The following CSMD1 variants were observed in gnomAD, a reference collection of about 807,000 sequenced individuals.
CSMD1 encodes the protein CUB and Sushi multiple domains 1.
In CSMD1, 213 loss-of-function variants were observed where a neutral mutation model predicts 417.5. The observed-to-expected ratio is 0.51, with a 90% CI of 0.46 to 0.57. The LOEUF is 0.57. CSMD1 is among the 20% of genes least tolerant of loss of function. CSMD1 has a pLI of 0.00. For synonymous variants in CSMD1, 2,862 were observed against 1,736.8 expected (o/e 1.65, Z -16.11); for missense variants, 6,923 against 4,529.7 (o/e 1.53, Z -15.17).
chr8:4,024,215 C>A (rs1430820247), intron 4 of CSMD1, among the ~76,000 whole-genome samples: 5 of 152,108 alleles, frequency 3.3e-5, no homozygotes, highest in Admixed American at 2.0e-4. Flanking sequence ...ACATGGGAAA[C>A]AGAAGTGATG....
chr8:4,928,434 C>A (rs897029118), intron 1 of CSMD1, among the ~76,000 whole-genome samples: 2 of 152,310 alleles, frequency 1.3e-5, no homozygotes, highest in East Asian at 3.9e-4. Context: ...TCGATAACTA[C>A]TAACATTGTT....
chr8:4,454,878 G>A (rs1051905679), intron 2 of CSMD1, among the ~76,000 whole-genome samples: 1 of 152,004 alleles, frequency 6.6e-6, no homozygotes, highest in African/African-American at 2.4e-5. Flanking sequence ...AATCTAAATG[G>A]CGTCCTGTGA....
At chr8:4,712,364 A>C (rs1000251234) in intron 1 of CSMD1, among the ~76,000 whole-genome samples, 3 of 152,192 alleles carry the variant, frequency 2.0e-5, no homozygotes, top group African/African-American at 7.2e-5. Context: ...TGATTTGTAC[A>C]TGGCACACAC....
At chr8:3,418,480 C>G (rs913735726) in intron 12 of CSMD1, among the ~76,000 whole-genome samples, 1 of 152,052 alleles carries the variant, frequency 6.6e-6, no homozygotes, top group Admixed American at 6.6e-5. Flanking sequence ...AGATATTGGT[C>G]AGCTATAATC....
intron 7 of CSMD1, among the ~76,000 whole-genome samples, chr8:3,688,074 A>T (rs1800039566): frequency 6.6e-6 from 1 of 152,230 alleles, no homozygotes; most frequent in Non-Finnish European, 1.5e-5. Context: ...GTTCCTCAGG[A>T]AGTTCAGCAG....
At chr8:4,475,796 A>G (rs1800771060) in intron 2 of CSMD1, among the ~76,000 whole-genome samples, 1 of 151,970 alleles carries the variant, frequency 6.6e-6, no homozygotes, top group Non-Finnish European at 1.5e-5. Flanking sequence ...TATTTTTAGT[A>G]CAGATGGGAT....
At position 3,221,000 on chromosome 8, in the gene CSMD1, G is replaced by A. The variant is rs545109770; in HGVS notation, c.4485-1558C>T. 2.0e-5 allele frequency among the ~76,000 whole-genome samples: 3 copies of A among 151,780 alleles called. No homozygotes were observed. In the East Asian group the frequency reaches 5.8e-4, roughly 30 times the overall value. Reference sequence around the variant, plus strand: ...CCAACTGCAGAAATTTGGGACAACTGAGACAGAGAAGGTCAGGGTTTTTGC... The same window carrying A: ...CCAACTGCAGAAATTTGGGACAACTAAGACAGAGAAGGTCAGGGTTTTTGC... On this transcript the variant is annotated intron_variant, in intron 28 of 69. Transcript: ENST00000635120.
chr8:4,963,556 T>C (rs772824333), intron 1 of CSMD1, among the ~76,000 whole-genome samples: 1 of 152,230 alleles, frequency 6.6e-6, no homozygotes. Flanking sequence ...TGCTTTTGTG[T>C]CTTTCCTATT....
intron 15 of CSMD1, 83 bp from the exon 16 acceptor site, chr8:3,399,612 T>G: frequency 9.5e-7 from 1 of 1,047,242 alleles, no homozygotes; most frequent in Non-Finnish European, 1.3e-6. Context: ...AGCCAGAATC[T>G]GCTTCTGTGT....
intron 1 of CSMD1, among the ~76,000 whole-genome samples, chr8:4,758,991 T>C (rs535300134): frequency 6.9e-6 from 1 of 144,356 alleles, no homozygotes; most frequent in East Asian, 1.9e-4. Context: ...TGCATGACTT[T>C]GTAAGAATGT....
At chr8:3,368,400 A>T (rs532077005) in intron 19 of CSMD1, among the ~76,000 whole-genome samples, 1 of 152,140 alleles carries the variant, frequency 6.6e-6, no homozygotes, top group Non-Finnish European at 1.5e-5. Flanking sequence ...ACAGTGGCGC[A>T]ATCTCAGCTC....
At chr8:3,789,817 G>T (rs950115188) in intron 5 of CSMD1, among the ~76,000 whole-genome samples, 1 of 143,634 alleles carries the variant, frequency 7.0e-6, no homozygotes, top group African/African-American at 2.6e-5. Flanking sequence ...TGCAAGCTCC[G>T]CCTCCCGGGG....
chr8:3,840,961 C>A (rs1326958195), intron 5 of CSMD1, among the ~76,000 whole-genome samples: 1 of 152,058 alleles, frequency 6.6e-6, no homozygotes, highest in Non-Finnish European at 1.5e-5. Flanking sequence ...CCTGCCTCGG[C>A]CTCCCAAAGT....
intron 6 of CSMD1, among the ~76,000 whole-genome samples, chr8:3,719,955 T>A (rs989048153): frequency 2.6e-5 from 4 of 152,164 alleles, no homozygotes; most frequent in African/African-American, 9.7e-5. Flanking sequence ...TTAATAAAGA[T>A]GATCACCACC....
intron 1 of CSMD1, among the ~76,000 whole-genome samples, chr8:4,816,337 A>C (rs1213206269): frequency 6.6e-6 from 1 of 151,968 alleles, no homozygotes; most frequent in East Asian, 1.9e-4. Context: ...GGCAAGCATC[A>C]CCACACCTGG....
At chr8:4,100,371 C>CCAT (rs1287142571) in intron 3 of CSMD1, among the ~76,000 whole-genome samples, 1 of 152,190 alleles carries the variant, frequency 6.6e-6, no homozygotes, top group Admixed American at 6.5e-5. Flanking sequence ...CCTCCACCAC[C>CCAT]CATCTCCTTC....
intron 26 of CSMD1, among the ~76,000 whole-genome samples, chr8:3,282,476 G>A (rs1338390557): frequency 6.6e-6 from 1 of 152,070 alleles, no homozygotes; most frequent in African/African-American, 2.4e-5. Context: ...TGCTAAATAA[G>A]GCCAATGAAT....
chr8:3,455,440 G>A (rs1784588843), intron 12 of CSMD1, among the ~76,000 whole-genome samples: 1 of 152,170 alleles, frequency 6.6e-6, no homozygotes, highest in African/African-American at 2.4e-5. Flanking sequence ...CATCTTTGTG[G>A]TTTTATCTTC....
At chr8:4,872,411 A>G (rs1802788142) in intron 1 of CSMD1, among the ~76,000 whole-genome samples, 1 of 152,032 alleles carries the variant, frequency 6.6e-6, no homozygotes, top group African/African-American at 2.4e-5. Flanking sequence ...CTCTCATGAT[A>G]GCAGGTGAGT....
Sources: gnomAD v4.1 joint callset for allele counts (sites outside exome capture counted in the v4.1 genomes callset) on GRCh38, gnomAD v4.1.1 for gene constraint, MANE v1.5 for transcripts, NCBI Gene and HGNC (gene_info 2026-07-23, HGNC 2026-07-21) for gene names.